Variants in LARS1 observed in about 807,000 individuals in gnomAD.
The protein encoded by LARS1 is leucyl-tRNA synthetase 1.
LARS1 carries 100 observed loss-of-function variants against 162.8 expected under a neutral mutation model. The ratio of observed to expected loss-of-function variants is 0.61; its 90% CI spans 0.52 to 0.73. The LOEUF (loss-of-function observed/expected upper bound fraction) is 0.73, where lower values mean the gene tolerates loss of function less well. Ranked by LOEUF, LARS1 falls within the 30% of genes least tolerant of loss-of-function variation. LARS1 has a pLI of 0.00. For missense variants in LARS1, 1,258 were observed against 1,408.9 expected (o/e 0.89, Z 1.71); for synonymous variants, 457 against 462.8 (o/e 0.99, Z 0.16).
intron 10 of LARS1, among the ~76,000 whole-genome samples, chr5:146,157,171 T>A (rs1309570986): frequency 6.6e-6 from 1 of 152,166 alleles, no homozygotes; most frequent in African/African-American, 2.4e-5. Flanking sequence ...GTACTAATGA[T>A]ATGGACATGA....
intron 14 of LARS1, among the ~76,000 whole-genome samples, chr5:146,150,310 A>G (rs2126509797): frequency 6.6e-6 from 1 of 152,332 alleles, no homozygotes; most frequent in South Asian, 2.1e-4. Flanking sequence ...ATTTTCATCT[A>G]CATGACTCTT....
intron 1 of LARS1, among the ~76,000 whole-genome samples, chr5:146,180,475 C>T (rs1022326350): frequency 4.6e-5 from 7 of 151,656 alleles, no homozygotes; most frequent in Non-Finnish European, 1.0e-4. Context: ...CACCACTGCA[C>T]TCCAGCCTGG....
At position 146,155,212 on chromosome 5, in the gene LARS1, A is replaced by G. The variant is rs367815260; in HGVS notation, c.1066-1232T>C. ...TCTGTCAATATTATGACATGAGTAC[A>G]CTAATACATTGTTTGTGACATTGTA... On this transcript the variant is annotated intron_variant, in intron 10 of 31. Coordinates refer to ENST00000394434, the MANE Select transcript of LARS1 (RefSeq NM_020117.11). Among the ~76,000 whole-genome samples the G allele has an allele frequency of 7.0e-4, 107 of 152,310 alleles. 1 individual carries two copies. In the South Asian group the frequency reaches 0.022, roughly 31 times the overall value.
chr5:146,172,809 AG>A, intron 2 of LARS1, 35 bp from the exon 3 acceptor site: 1 of 1,192,908 alleles, frequency 8.4e-7, no homozygotes, highest in Non-Finnish European at 1.2e-6. Context: ...AAAGTACAGA[AG>A]AATAAATGTT....
At chr5:146,132,815 A>G in intron 23 of LARS1, 83 bp downstream of exon 23, 1 of 965,806 alleles carries the variant, frequency 1.0e-6, no homozygotes. Context: ...AAAAAAAAAA[A>G]AGAAAAGAAA....
rs1414785570 is a variant in LARS1 at position 146,132,903 on chromosome 5, A to C, written c.2391T>G (p.Phe797Leu). Residue 797 changes from phenylalanine (F) to leucine (L), a missense_variant, in exon 23 of 32, where the codon TTT (phenylalanine) becomes TTG (leucine). Physicochemically the swap from Phe to Leu is conservative, Grantham distance 22. Transcript: ENST00000394434. ...GPASTFNDRV[F>L]ASELNAGIIK... is the part of the protein sequence containing the mutation. ...GATTGGGATCTACAGATTACCTGGC[A>C]AAAACTCTATCATTGAAAGTGCTGG... The C allele has an allele frequency of 1.8e-5, 29 of 1,612,954 alleles. No individual in the cohort carries two copies. Among genetic ancestry groups the C allele is most frequent in the Non-Finnish European group, 2.2e-5 (26 of 1,179,206 alleles).
At chr5:146,179,453 A>C (rs1754737660) in intron 1 of LARS1, among the ~76,000 whole-genome samples, 1 of 152,036 alleles carries the variant, frequency 6.6e-6, no homozygotes, top group African/African-American at 2.4e-5. Context: ...TGAGCCACCC[A>C]GCCCGGTCTG....
chr5:146,128,763 A>G lies in LARS1; in HGVS notation c.2789T>C (p.Leu930Pro). 23 of 1,603,580 alleles carry G rather than the reference A, an allele frequency of 1.4e-5. No individual in the cohort carries two copies. The highest frequency in any genetic ancestry group is 1.9e-5 in the Non-Finnish European group (22 of 1,177,342). The change falls in exon 27 of 32, where the codon CTG (leucine) becomes CCG (proline). Residue 930 changes from leucine to proline, a missense_variant. Leu to Pro is a moderately conservative substitution (Grantham distance 98, BLOSUM62 -3). Transcript: ENST00000394434. ...AKGKKTDKQP[L>P]QKPSHCTIYV... ...GATGGTGCAATGTGAGGGCTTCTGC[A>G]GGGGTTGTTTGTCAGTCTTCTAGAC... is the stretch of plus-strand genomic sequence containing the variant.
At chr5:146,124,639 T>C (rs1252619770) in intron 28 of LARS1, among the ~76,000 whole-genome samples, 1 of 151,946 alleles carries the variant, frequency 6.6e-6, no homozygotes, top group Non-Finnish European at 1.5e-5. Flanking sequence ...TTTCTTATTC[T>C]TAATTTTCTT....
At chr5:146,175,757 G>C (rs1754532352) in intron 2 of LARS1, among the ~76,000 whole-genome samples, 1 of 151,856 alleles carries the variant, frequency 6.6e-6, no homozygotes, top group East Asian at 1.9e-4. Flanking sequence ...GAACCCGGCA[G>C]GCGGAGCTTG....
chr5:146,156,467 G>A (rs911619133), intron 10 of LARS1, among the ~76,000 whole-genome samples: 2 of 152,122 alleles, frequency 1.3e-5, no homozygotes, highest in Non-Finnish European at 2.9e-5. Flanking sequence ...GCCGAGGTGG[G>A]TGGATCACCC....
chr5:146,173,278 G>A (rs1483743907), intron 2 of LARS1, among the ~76,000 whole-genome samples: 1 of 151,730 alleles, frequency 6.6e-6, no homozygotes, highest in African/African-American at 2.4e-5. Flanking sequence ...CATTGAACCT[G>A]AGAGGCAGAG....
Position 146,143,067 on chromosome 5 carries a change from T to C in LARS1, c.1895A>G (p.Lys632Arg). The C allele has an allele frequency of 9.3e-6, 15 of 1,612,748 alleles. No individual in the cohort carries two copies. The highest frequency in any genetic ancestry group is 1.3e-5 in the African/African-American group (1 of 75,008). The part of the protein sequence containing the change: ...PLGIRPQQMT[K>R]EVWDYVFFKE... ...GAAGAAAACATAATCCCAAACTTCC[T>C]TGGTCATCTGTTGCGGTCTGTATTA... Residue 632 changes from lysine (K) to arginine (R), a missense_variant, in exon 20 of 32, where the codon AAG becomes AGG. Lys to Arg is a conservative substitution (Grantham distance 26). Coordinates refer to ENST00000394434, the MANE Select transcript of LARS1 (RefSeq NM_020117.11).
chr5:146,157,199 C>A (rs900334848), intron 10 of LARS1, among the ~76,000 whole-genome samples: 2 of 152,094 alleles, frequency 1.3e-5, no homozygotes, highest in Non-Finnish European at 1.5e-5. Context: ...TTCTGGAGTG[C>A]TAAAACTGTT....
At chr5:146,143,996 T>C (rs1432732652) in intron 18 of LARS1, among the ~76,000 whole-genome samples, 1 of 152,078 alleles carries the variant, frequency 6.6e-6, no homozygotes, top group East Asian at 1.9e-4. Context: ...AGCAAGACTC[T>C]GTCTCTAAAA....
chr5:146,153,657 T>C (rs566968525), intron 12 of LARS1, 77 bp downstream of exon 12: 23 of 1,086,756 alleles, frequency 2.1e-5, no homozygotes, highest in Non-Finnish European at 3.0e-5. Flanking sequence ...TTTAGCCTAG[T>C]CCCACAGCGT....
At chr5:146,169,964 C>T (rs1754187717) in intron 4 of LARS1, among the ~76,000 whole-genome samples, 1 of 152,086 alleles carries the variant, frequency 6.6e-6, no homozygotes, top group Non-Finnish European at 1.5e-5. Context: ...TGAGGTGATA[C>T]AATGGTAAGT....
chr5:146,118,682 G>A (rs1751680741), intron 31 of LARS1, among the ~76,000 whole-genome samples: 1 of 152,114 alleles, frequency 6.6e-6, no homozygotes, highest in Non-Finnish European at 1.5e-5. Context: ...AAAGACAGTA[G>A]AGCAGTGATT....
At chr5:146,133,406 C>A (rs2962501) in intron 22 of LARS1, among the ~76,000 whole-genome samples, 148,586 of 152,296 alleles carry the variant, frequency 0.98, 72,580 homozygotes, top group East Asian at 1. Flanking sequence ...AAAGACACAC[C>A]TTTCATTGTG....
Sources: gnomAD v4.1 joint callset for allele counts (sites outside exome capture counted in the v4.1 genomes callset) on GRCh38, gnomAD v4.1.1 for gene constraint, MANE v1.5 for transcripts, NCBI Gene and HGNC (gene_info 2026-07-23, HGNC 2026-07-21) for gene names.